The following CALN1 variants were observed in gnomAD, a reference collection of about 807,000 sequenced individuals.
CALN1 encodes calcium-binding protein 8.
In CALN1, 17 loss-of-function variants were observed where a neutral mutation model predicts 30.6. The ratio of observed to expected loss-of-function variants is 0.56; its 90% CI spans 0.38 to 0.83. The LOEUF is 0.83. CALN1 is among the 40% of genes least tolerant of loss of function. CALN1 has a pLI of 0.00. For synonymous variants in CALN1, 156 were observed against 131.4 expected, an observed-to-expected ratio of 1.19 and a Z score of -1.28; for missense variants, 291 against 354.9, an observed-to-expected ratio of 0.82 and a Z score of 1.45.
chr7:72,300,337 T>C (rs1222928538), intron 2 of CALN1, among the ~76,000 whole-genome samples: 1 of 152,170 alleles, frequency 6.6e-6, no homozygotes, highest in Non-Finnish European at 1.5e-5. Flanking sequence ...CTATTTTTTT[T>C]TTCAGTCTGT....
Position 72,445,381 on chromosome 7 carries a change from TCAGCTC to T in CALN1, c.-226+1655_-226+1660del, listed in dbSNP as rs549132322. Among the ~76,000 whole-genome samples, 184 of 152,090 alleles carry T rather than the reference TCAGCTC, an allele frequency of 1.2e-3. 1 individual carries two copies. Among genetic ancestry groups the T allele is most frequent in the Non-Finnish European group, 2.2e-3 (152 of 68,000 alleles). ...CCATGGCCTCAGTCCGCTTCTACCC[TCAGCTC>T]CAGGTGAGAATCTGACCCTCACAGA... On this transcript the variant is annotated intron_variant, in intron 1 of 6. Transcript: ENST00000395276.
chr7:72,448,077 A>G (rs1197787476), upstream of CALN1, among the ~76,000 whole-genome samples: 1 of 151,398 alleles, frequency 6.6e-6, no homozygotes, highest in Admixed American at 6.6e-5. Flanking sequence ...CATGCCTGAC[A>G]TACCACACAC....
chr7:72,194,361 T>A (rs1393162590), intron 3 of CALN1, among the ~76,000 whole-genome samples: 1 of 152,022 alleles, frequency 6.6e-6, no homozygotes, highest in Non-Finnish European at 1.5e-5. Context: ...TGAAACCCTG[T>A]GTCTACTAAA....
chr7:71,900,281 C>T (rs1256104070), intron 5 of CALN1, among the ~76,000 whole-genome samples: 1 of 152,086 alleles, frequency 6.6e-6, no homozygotes, highest in African/African-American at 2.4e-5. Flanking sequence ...TTTCACCACT[C>T]CTATTCAAGA....
chr7:72,334,323 ACAC>A (rs1400156124), intron 2 of CALN1, among the ~76,000 whole-genome samples: 1 of 152,220 alleles, frequency 6.6e-6, no homozygotes, highest in Non-Finnish European at 1.5e-5. Context: ...ACCACTGCAC[ACAC>A]CACAACAGAA....
the CALN1 span, among the ~76,000 whole-genome samples, chr7:72,456,590 G>A: frequency 1.3e-5 from 2 of 151,912 alleles, no homozygotes. Context: ...GGTGGCTCAT[G>A]CCTGTAGTCC....
chr7:72,352,706 C>A (rs1175395669), intron 2 of CALN1, among the ~76,000 whole-genome samples: 1 of 151,226 alleles, frequency 6.6e-6, no homozygotes, highest in Non-Finnish European at 1.5e-5. Context: ...AGGTTTAAAG[C>A]CAATGTTTTA....
intron 5 of CALN1, among the ~76,000 whole-genome samples, chr7:72,001,747 T>C (rs187325908): frequency 2.0e-5 from 3 of 152,302 alleles, no homozygotes; most frequent in African/African-American, 4.8e-5. Context: ...TTGAATTCTT[T>C]CTTCTGAGAA....
In CALN1 at chr7:72,304,912, G is replaced by T. The variant is rs146299065; in HGVS notation, c.120-26102C>A. On this transcript the variant is annotated intron_variant, in intron 2 of 6. Coordinates refer to ENST00000395275, the MANE Select transcript of CALN1 (RefSeq NM_031468.4). The stretch of plus-strand genomic sequence containing the variant: ...GGTCTATTTCATTTTTACAGCTAGA[G>T]AGAAATTAAAATGATTTTACAAATG... Among the ~76,000 whole-genome samples, 139 of 152,310 alleles carry T rather than the reference G, an allele frequency of 9.1e-4. 1 individual carries two copies. Among genetic ancestry groups the T allele is most frequent in the African/African-American group, 3.2e-3 (133 of 41,560 alleles).
chr7:72,500,175 G>C, the CALN1 span, among the ~76,000 whole-genome samples: 1 of 148,228 alleles, frequency 6.7e-6, no homozygotes, highest in Non-Finnish European at 1.5e-5. Flanking sequence ...GCCTCCCAAA[G>C]TGCTGGGATT....
At chr7:71,995,180 G>T (rs955039276) in intron 5 of CALN1, among the ~76,000 whole-genome samples, 7 of 152,124 alleles carry the variant, frequency 4.6e-5, no homozygotes, top group Non-Finnish European at 8.8e-5. Flanking sequence ...TTACGCACAT[G>T]GGTTCTCTAC....
At chr7:71,798,584 G>A (rs896877135) in intron 6 of CALN1, among the ~76,000 whole-genome samples, 1 of 150,454 alleles carries the variant, frequency 6.6e-6, no homozygotes, top group African/African-American at 2.5e-5. Flanking sequence ...TGGATTACAG[G>A]TGTGAGCCAC....
chr7:71,923,663 A>G (rs1562904443), intron 5 of CALN1, among the ~76,000 whole-genome samples: 1 of 152,160 alleles, frequency 6.6e-6, no homozygotes, highest in Non-Finnish European at 1.5e-5. Flanking sequence ...AATGACCTGG[A>G]GCAGGGATAA....
At chr7:72,409,006 G>C (rs928607540) in intron 1 of CALN1, among the ~76,000 whole-genome samples, 3 of 151,250 alleles carry the variant, frequency 2.0e-5, no homozygotes, top group African/African-American at 7.3e-5. Context: ...GGGCAGGGGG[G>C]CAGCGGTGGA....
intron 1 of CALN1, among the ~76,000 whole-genome samples, chr7:72,418,780 G>C (rs1487182314): frequency 6.6e-6 from 1 of 152,164 alleles, no homozygotes; most frequent in African/African-American, 2.4e-5. Flanking sequence ...AGAGGGCAAG[G>C]TGGGAGGATT....
intron 5 of CALN1, among the ~76,000 whole-genome samples, chr7:71,952,269 A>G (rs181781881): frequency 1.1e-4 from 17 of 152,292 alleles, no homozygotes; most frequent in Admixed American, 1.1e-3. Flanking sequence ...GGGTCCTCCC[A>G]TTCTTGGCTC....
At chr7:72,490,700 C>G in the CALN1 span, among the ~76,000 whole-genome samples, 13 of 152,132 alleles carry the variant, frequency 8.5e-5, no homozygotes, top group Admixed American at 7.9e-4. Context: ...AGTACTTCCC[C>G]TTTGCACTTT....
At chr7:72,017,170 T>TAAAAAAA (rs58672373) in intron 5 of CALN1, among the ~76,000 whole-genome samples, 1 of 88,118 alleles carries the variant, frequency 1.1e-5, no homozygotes, top group African/African-American at 3.6e-5. Context: ...TCTCAAAAAT[T>TAAAAAAA]AAAAAAAAAA....
At position 71,839,040 on chromosome 7, in the gene CALN1, C is replaced by T. The variant is rs1461530300; in HGVS notation, c.502-28548G>A. ...GCTCAGGCTGGTCTCAAACTCCTGG[C>T]ATCAAGCAATCTTCCCACCTTGACC... On this transcript the variant is annotated intron_variant, in intron 5 of 6. Coordinates refer to ENST00000395275, the MANE Select transcript of CALN1 (RefSeq NM_031468.4). Among the ~76,000 whole-genome samples the T allele has an allele frequency of 1.3e-5, 2 of 152,038 alleles. 1 individual carries two copies.
Sources: gnomAD v4.1 joint callset for allele counts (sites outside exome capture counted in the v4.1 genomes callset) on GRCh38, gnomAD v4.1.1 for gene constraint, MANE v1.5 for transcripts, NCBI Gene and HGNC (gene_info 2026-07-23, HGNC 2026-07-21) for gene names.